The following DCTN4 variants were observed in gnomAD, a reference collection of about 807,000 sequenced individuals.
DCTN4 encodes dynactin subunit 4.
In DCTN4, 23 loss-of-function variants were observed where a neutral mutation model predicts 62.7. The observed-to-expected ratio is 0.37, with a 90% CI of 0.26 to 0.52. DCTN4 has a LOEUF of 0.52. Ranked by LOEUF, DCTN4 falls within the 20% of genes least tolerant of loss-of-function variation. The pLI is 0.92. For synonymous variants in DCTN4, 199 were observed against 202.1 expected (o/e 0.98, Z 0.13); for missense variants, 514 against 580.4 (o/e 0.89, Z 1.18).
chr5:150,719,862 C>G, intron 9 of DCTN4, 92 bp from the exon 10 acceptor site: 1 of 752,498 alleles, frequency 1.3e-6, no homozygotes, highest in Non-Finnish European at 2.1e-6. Flanking sequence ...TAAAGGATTT[C>G]ATGTTAATTA....
chr5:150,722,762 C>T, intron 9 of DCTN4, 145 bp downstream of exon 9: 2 of 594,534 alleles, frequency 3.4e-6, no homozygotes, highest in South Asian at 2.2e-5. Flanking sequence ...AAATTAAAAA[C>T]CTAAACAGGA....
chr5:150,739,180 CAAA>C (rs564417540), intron 4 of DCTN4, among the ~76,000 whole-genome samples: 1 of 75,202 alleles, frequency 1.3e-5, no homozygotes, highest in Non-Finnish European at 2.9e-5. Flanking sequence ...GATTTCATCT[CAAA>C]AAAAAAAAAA....
chr5:150,723,072 G>A (rs763009231), intron 8 of DCTN4, 92 bp from the exon 9 acceptor site: 84 of 941,660 alleles, frequency 8.9e-5, no homozygotes, highest in Non-Finnish European at 1.2e-4. Flanking sequence ...CAGCATTTAC[G>A]AGAATTTTGT....
chr5:150,740,840 G>A (rs944008519), intron 4 of DCTN4, among the ~76,000 whole-genome samples: 19 of 152,136 alleles, frequency 1.2e-4, no homozygotes, highest in African/African-American at 4.3e-4. Flanking sequence ...ATAAGAGGGA[G>A]CTAAGCTATG....
In DCTN4 at chr5:150,731,170, AAAAC is replaced by A; in HGVS notation, c.612-18_612-15del. On this transcript the variant is annotated splice_polypyrimidine_tract_variant and intron_variant, in intron 6 of 12. Coordinates refer to ENST00000447998, the MANE Select transcript of DCTN4 (RefSeq NM_016221.4). The stretch of plus-strand genomic sequence containing the variant: ...CCTTCTTTAAGGCTGAAAAATTAAA[AAAAC>A]AAAACAAAACAAAACAAAAGAGTAA... 1 of 1,447,482 alleles carries A rather than the reference AAAAC, an allele frequency of 6.9e-7. No individual in the cohort carries two copies. The highest frequency in any genetic ancestry group is 1.4e-5 in the African/African-American group (1 of 71,456). The allele number at this position is 1,447,482 out of a possible 1,614,324, so 89.7% of individuals were successfully genotyped here.
At chr5:150,715,494 G>T in intron 12 of DCTN4, 71 bp downstream of exon 12, 2 of 1,198,374 alleles carry the variant, frequency 1.7e-6, no homozygotes, top group Non-Finnish European at 2.4e-6. Flanking sequence ...ATCCAGACAA[G>T]AAAACTGGAT....
chr5:150,718,681 T>A (rs1220751913), intron 10 of DCTN4, among the ~76,000 whole-genome samples: 1 of 152,130 alleles, frequency 6.6e-6, no homozygotes, highest in Non-Finnish European at 1.5e-5. Context: ...GTTAAAACTC[T>A]TGTCTCACCC....
rs61106544 is a variant in DCTN4 at position 150,729,042 on chromosome 5, CTTTT to C, written c.834+1585_834+1588del. 3.5e-3 allele frequency among the ~76,000 whole-genome samples: 180 copies of C among 52,136 alleles called. 7 individuals carry two copies. Among genetic ancestry groups the C allele is most frequent in the Middle Eastern group, 0.016 (1 of 62 alleles). The allele number at this position is 52,136 out of a possible 152,430, so 34.2% of individuals were successfully genotyped here. ...ACAAGTGTGTGAACCACCACACTGG[CTTTT>C]TTTTTTTTTTTTTTTTTTTTTTTTT... is the stretch of plus-strand genomic sequence containing the variant. On this transcript the variant is annotated intron_variant, in intron 8 of 12. Transcript: ENST00000447998.
At chr5:150,718,639 A>G (rs1759855891) in intron 10 of DCTN4, among the ~76,000 whole-genome samples, 1 of 152,098 alleles carries the variant, frequency 6.6e-6, no homozygotes, top group African/African-American at 2.4e-5. Context: ...CTAGATCCAG[A>G]AATTCTGAGG....
chr5:150,742,048 A>C, intron 4 of DCTN4, 66 bp downstream of exon 4: 1 of 1,393,866 alleles, frequency 7.2e-7, no homozygotes, highest in Non-Finnish European at 1.0e-6. Flanking sequence ...ATAAAATGCA[A>C]GATCTTCAGT....
At chr5:150,742,017 A>C in intron 4 of DCTN4, 97 bp downstream of exon 4, 1 of 1,035,538 alleles carries the variant, frequency 9.7e-7, no homozygotes, top group East Asian at 2.4e-5. Context: ...ATGGACTTAT[A>C]AACACAGCTC....
rs757366783 is a variant in DCTN4, at chr5:150,711,377, A to G, written c.1170-15T>C. The G allele has an allele frequency of 1.9e-6, 3 of 1,606,908 alleles. No individual in the cohort carries two copies. The South Asian group carries it at 3.3e-5, about 18-fold the overall frequency. On this transcript the variant is annotated splice_polypyrimidine_tract_variant and intron_variant, in intron 12 of 12. Coordinates refer to ENST00000447998, the MANE Select transcript of DCTN4 (RefSeq NM_016221.4). Reference sequence around the variant, plus strand: ...AGGCTATAATGCTATGGAAAGAAAAAAAAGCAAGTATTAGGTAGATAAAAA... The same window carrying G: ...AGGCTATAATGCTATGGAAAGAAAAGAAAGCAAGTATTAGGTAGATAAAAA...
intron 9 of DCTN4, among the ~76,000 whole-genome samples, chr5:150,722,123 G>A (rs1034563407): frequency 2.0e-5 from 3 of 152,174 alleles, no homozygotes; most frequent in African/African-American, 7.2e-5. Context: ...ACTGCACCTG[G>A]CTTTAATTTC....
At chr5:150,733,626 C>A in intron 4 of DCTN4, 151 bp from the exon 5 acceptor site, 1 of 510,776 alleles carries the variant, frequency 2.0e-6, no homozygotes, top group Non-Finnish European at 3.4e-6. Context: ...AATTTTTCTT[C>A]GTTATGTGAT....
In DCTN4 at chr5:150,722,969, A is replaced by G; in HGVS notation, c.846T>C (p.His282=). ...GGTTAAATTCTGGCTTGCTCAAATT[A>G]TGTTCACATTTCTAAAAAGAAAACA... The part of the protein sequence containing the change: ...KRSLRCRKCE[H]NLSKPEFNPT... Residue 282 remains histidine (H), a synonymous_variant, in exon 9 of 13, where the codon CAT becomes CAC. Coordinates refer to ENST00000447998, the MANE Select transcript of DCTN4 (RefSeq NM_016221.4). 1 of 1,611,060 alleles carries G rather than the reference A, an allele frequency of 6.2e-7. No homozygotes were observed. Among genetic ancestry groups the G allele is most frequent in the Non-Finnish European group, 8.5e-7 (1 of 1,177,814 alleles).
At chr5:150,716,556 G>A (rs1312422492) in intron 11 of DCTN4, among the ~76,000 whole-genome samples, 1 of 152,162 alleles carries the variant, frequency 6.6e-6, no homozygotes, top group Non-Finnish European at 1.5e-5. Context: ...GCTTTATAAA[G>A]ATATGCTGTG....
At chr5:150,751,061 C>T (rs1410093827) in intron 3 of DCTN4, among the ~76,000 whole-genome samples, 1 of 152,054 alleles carries the variant, frequency 6.6e-6, no homozygotes, top group Admixed American at 6.5e-5. Context: ...AATGTTTCAG[C>T]TGTAATATTT....
At chr5:150,728,631 T>A (rs1035221397) in intron 8 of DCTN4, among the ~76,000 whole-genome samples, 93 of 152,204 alleles carry the variant, frequency 6.1e-4, no homozygotes, top group African/African-American at 1.5e-3. Context: ...ATCTTTTTTT[T>A]AAACAAATTA....
At chr5:150,712,255 G>A (rs1412293748) in intron 12 of DCTN4, among the ~76,000 whole-genome samples, 1 of 151,874 alleles carries the variant, frequency 6.6e-6, no homozygotes, top group Non-Finnish European at 1.5e-5. Flanking sequence ...TCGGCCTCCT[G>A]AGTAGCTGGG....
Sources: gnomAD v4.1 joint callset for allele counts (sites outside exome capture counted in the v4.1 genomes callset) on GRCh38, gnomAD v4.1.1 for gene constraint, MANE v1.5 for transcripts, NCBI Gene and HGNC (gene_info 2026-07-23, HGNC 2026-07-21) for gene names.